Variants in SEMA6D observed in about 807,000 individuals in gnomAD.
SEMA6D encodes semaphorin-6D.
In SEMA6D, 35 loss-of-function variants were observed where a neutral mutation model predicts 106.6. The ratio of observed to expected loss-of-function variants is 0.33; its 90% CI spans 0.25 to 0.44. The LOEUF is 0.44. SEMA6D is among the 20% of genes least tolerant of loss of function. SEMA6D has a pLI of 1.00. For synonymous variants in SEMA6D, 499 were observed against 487.7 expected (o/e 1.02, Z -0.31); for missense variants, 1,185 against 1,345.9 (o/e 0.88, Z 1.87).
chr15:47,632,475 T>C (rs189112149), intron 4 of SEMA6D, among the ~76,000 whole-genome samples: 57 of 149,062 alleles, frequency 3.8e-4, no homozygotes, highest in African/African-American at 1.3e-3. Flanking sequence ...CATGTGGTGT[T>C]TTATATGTAC....
chr15:47,297,497 G>A (rs987343626), intron 1 of SEMA6D, among the ~76,000 whole-genome samples: 4 of 152,028 alleles, frequency 2.6e-5, no homozygotes, highest in African/African-American at 7.2e-5. Flanking sequence ...ATTATCAAAC[G>A]ACATGATGTT....
intron 2 of SEMA6D, among the ~76,000 whole-genome samples, chr15:47,454,642 A>G (rs2042293883): frequency 2.0e-5 from 3 of 147,616 alleles, no homozygotes; most frequent in Non-Finnish European, 4.4e-5. Flanking sequence ...TTTTTACCCC[A>G]TTATTTATCT....
At chr15:47,325,340 A>G (rs2037089622) in intron 1 of SEMA6D, among the ~76,000 whole-genome samples, 1 of 151,844 alleles carries the variant, frequency 6.6e-6, no homozygotes, top group African/African-American at 2.4e-5. Context: ...GGCCCGGCTA[A>G]TTTTGTATTT....
At chr15:47,294,609 G>T (rs1466291646) in intron 1 of SEMA6D, among the ~76,000 whole-genome samples, 2 of 152,112 alleles carry the variant, frequency 1.3e-5, no homozygotes, top group African/African-American at 2.4e-5. Flanking sequence ...TCCTCCTGAG[G>T]TAGGAAAAGA....
At chr15:47,464,397 G>A (rs1361209477) in intron 2 of SEMA6D, among the ~76,000 whole-genome samples, 1 of 152,082 alleles carries the variant, frequency 6.6e-6, no homozygotes, top group Non-Finnish European at 1.5e-5. Flanking sequence ...TGCTCGTTAA[G>A]AAAAGGCACC....
At chr15:47,545,672 T>C (rs1237339538) in intron 3 of SEMA6D, among the ~76,000 whole-genome samples, 1 of 152,114 alleles carries the variant, frequency 6.6e-6, no homozygotes, top group East Asian at 1.9e-4. Flanking sequence ...TAGACTCAAA[T>C]TAAACTCAAA....
At chr15:47,581,760 T>G (rs938836734) in intron 3 of SEMA6D, among the ~76,000 whole-genome samples, 5 of 152,190 alleles carry the variant, frequency 3.3e-5, no homozygotes, top group Non-Finnish European at 5.9e-5. Context: ...TTAAGTGTGA[T>G]GAGAAGCCAC....
At chr15:47,745,457 G>A (rs886914546) in intron 1 of SEMA6D, among the ~76,000 whole-genome samples, 1 of 152,252 alleles carries the variant, frequency 6.6e-6, no homozygotes, top group Non-Finnish European at 1.5e-5. Context: ...TACCCCGTAC[G>A]CCACTGCTCA....
At chr15:47,324,716 TTATA>T (rs1392398974) in intron 1 of SEMA6D, among the ~76,000 whole-genome samples, 1 of 150,806 alleles carries the variant, frequency 6.6e-6, no homozygotes, top group Non-Finnish European at 1.5e-5. Flanking sequence ...CATATATACT[TTATA>T]TATATGCATA....
intron 1 of SEMA6D, among the ~76,000 whole-genome samples, chr15:47,303,103 G>A (rs2036086985): frequency 6.6e-6 from 1 of 152,182 alleles, no homozygotes. Flanking sequence ...GTGAGAAATA[G>A]CCTTTTCTTT....
intron 4 of SEMA6D, among the ~76,000 whole-genome samples, chr15:47,695,382 G>A (rs937812809): frequency 1.3e-5 from 2 of 152,098 alleles, no homozygotes; most frequent in African/African-American, 4.8e-5. Context: ...TTTGCAAGGT[G>A]CCAGTAATCA....
At chr15:47,485,967 A>G (rs2043284762) in intron 3 of SEMA6D, among the ~76,000 whole-genome samples, 1 of 152,234 alleles carries the variant, frequency 6.6e-6, no homozygotes, top group Admixed American at 6.5e-5. Flanking sequence ...CAAGATGTCC[A>G]GAAAACCACT....
intron 1 of SEMA6D, among the ~76,000 whole-genome samples, chr15:47,365,890 GGAGAGAGAGAGAGAGAGA>G (rs201368884): frequency 8.4e-6 from 1 of 119,746 alleles, no homozygotes; most frequent in Non-Finnish European, 1.6e-5. Context: ...GAGAGAGAGA[GGAGAGAGAGAGAGAGAGA>G]GAGAGAGAGA....
At chr15:47,618,441 C>T (rs968345058) in intron 4 of SEMA6D, among the ~76,000 whole-genome samples, 2 of 152,214 alleles carry the variant, frequency 1.3e-5, no homozygotes, top group African/African-American at 2.4e-5. Flanking sequence ...TTGCCTGTGG[C>T]TCTGCCTACA....
At chr15:47,233,758 C>T (rs1457308247) in intron 1 of SEMA6D, among the ~76,000 whole-genome samples, 3 of 151,816 alleles carry the variant, frequency 2.0e-5, no homozygotes, top group East Asian at 3.9e-4. Context: ...TTTTGTATGT[C>T]GATTTTGTAT....
intron 3 of SEMA6D, among the ~76,000 whole-genome samples, chr15:47,569,267 C>G (rs978834327): frequency 6.6e-6 from 1 of 152,028 alleles, no homozygotes; most frequent in African/African-American, 2.4e-5. Flanking sequence ...TGCATTCCAC[C>G]TGGCTGCTGG....
chr15:47,354,566 CATAT>C (rs35438092), intron 1 of SEMA6D, among the ~76,000 whole-genome samples: 1 of 148,006 alleles, frequency 6.8e-6, no homozygotes, highest in Non-Finnish European at 1.5e-5. Context: ...TGTATGTGTA[CATAT>C]ATATATACAC....
chr15:47,358,484 G>A (rs2038678297), intron 1 of SEMA6D, among the ~76,000 whole-genome samples: 1 of 152,182 alleles, frequency 6.6e-6, no homozygotes, highest in Admixed American at 6.5e-5. Context: ...TTAAGCATGG[G>A]AGCTTATCAT....
intron 2 of SEMA6D, among the ~76,000 whole-genome samples, chr15:47,431,334 C>T (rs1345346553): frequency 2.0e-5 from 3 of 152,006 alleles, no homozygotes; most frequent in African/African-American, 7.2e-5. Flanking sequence ...TTCAAATTAA[C>T]ACCTCAAAGC....
Sources: allele counts gnomAD v4.1 joint callset (sites outside exome capture counted in the v4.1 genomes callset), GRCh38; gene constraint gnomAD v4.1.1; transcripts MANE v1.5; gene names NCBI Gene and HGNC (gene_info 2026-07-23, HGNC 2026-07-21).